Variants in ABCC8 observed in about 807,000 individuals in gnomAD.
ABCC8 encodes the protein ATP-binding cassette sub-family C member 8.
In ABCC8, 137 loss-of-function variants were observed where a neutral mutation model predicts 188.0. The observed-to-expected ratio is 0.73, with a 90% confidence interval of 0.63 to 0.84. ABCC8 has a LOEUF of 0.84. Ranked by LOEUF, ABCC8 falls within the 40% of genes least tolerant of loss-of-function variation. The pLI, the probability that ABCC8 is intolerant of heterozygous loss-of-function variation, is 0.00. For synonymous variants in ABCC8, 797 were observed against 846.5 expected (o/e 0.94, Z 1.01); for missense variants, 1,750 against 2,072.7 (o/e 0.84, Z 3.02).
chr11:17,466,102 T>C (rs1401625052), intron 3 of ABCC8, among the ~76,000 whole-genome samples: 2 of 151,898 alleles, frequency 1.3e-5, no homozygotes, highest in Non-Finnish European at 2.9e-5. Context: ...AATAAGCAAG[T>C]CATAAAAAGA....
At position 17,457,685 on chromosome 11, in the gene ABCC8, G is replaced by A. The variant is rs539477245; in HGVS notation, c.1011+2803C>T. ...CAGCTTTCCCTGGGGAGTGGCAGCGGGGTGACAGGAGCATCAAAGATCTGG... is the reference window on the plus strand; with the variant it reads ...CAGCTTTCCCTGGGGAGTGGCAGCGAGGTGACAGGAGCATCAAAGATCTGG... On this transcript the variant is annotated intron_variant, in intron 6 of 38. Coordinates refer to ENST00000389817, the MANE Select transcript of ABCC8 (RefSeq NM_000352.6). 6.2e-4 allele frequency among the ~76,000 whole-genome samples: 95 copies of A among 152,296 alleles called. 1 individual carries two copies. Among genetic ancestry groups the A allele is most frequent in the South Asian group, 3.7e-3 (18 of 4,812 alleles).
chr11:17,402,802 C>T (rs201911592), intron 28 of ABCC8, 49 bp from the exon 29 acceptor site: 22 of 1,605,052 alleles, frequency 1.4e-5, no homozygotes, highest in East Asian at 8.9e-5. Flanking sequence ...GCTCAGGGCT[C>T]GGCCTGGGCC....
chr11:17,460,786 A>T, intron 5 of ABCC8, 110 bp from the exon 6 acceptor site: 1 of 1,548,112 alleles, frequency 6.5e-7, no homozygotes, highest in Non-Finnish European at 8.7e-7. Flanking sequence ...CCCAGTGGTC[A>T]CATCCTCTGC....
intron 7 of ABCC8, among the ~76,000 whole-genome samples, 171 bp downstream of exon 7, chr11:17,452,948 A>C (rs1956866474): frequency 2.6e-5 from 4 of 152,214 alleles, no homozygotes; most frequent in Admixed American, 2.0e-4. Flanking sequence ...ATTTTCCACT[A>C]TCCCACACTG....
At chr11:17,457,386 C>T (rs1957034558) in intron 6 of ABCC8, among the ~76,000 whole-genome samples, 1 of 152,180 alleles carries the variant, frequency 6.6e-6, no homozygotes, top group Non-Finnish European at 1.5e-5. Context: ...ATACACCCTC[C>T]CAAACCTACA....
At chr11:17,441,993 T>C (rs187134424) in intron 10 of ABCC8, among the ~76,000 whole-genome samples, 1 of 152,172 alleles carries the variant, frequency 6.6e-6, no homozygotes, top group East Asian at 1.9e-4. Context: ...GGCAGGAGAA[T>C]CACTTGAACC....
In ABCC8 at chr11:17,460,533, C is replaced by T. The variant is rs777934386; in HGVS notation, c.966G>A (p.Gly322=). The change falls in exon 6 of 39, where the codon GGG becomes GGA. Residue 322 remains glycine (G), a synonymous_variant. Coordinates refer to ENST00000389817, the MANE Select transcript of ABCC8 (RefSeq NM_000352.6). ...LGFAGPLCIF[G]IVDHLGKEND... ...TCTCCTTCCCAAGGTGGTCCACGAT[C>T]CCAAAGATGCACAGTGGCCCGGCGA... is the stretch of plus-strand genomic sequence containing the variant. 2 of 1,614,158 alleles carry T rather than the reference C, an allele frequency of 1.2e-6. No individual in the cohort carries two copies. Among genetic ancestry groups the T allele is most frequent in the South Asian group, 1.1e-5 (1 of 91,088 alleles).
At chr11:17,464,132 T>A (rs1006415499) in intron 3 of ABCC8, among the ~76,000 whole-genome samples, 2 of 152,224 alleles carry the variant, frequency 1.3e-5, no homozygotes, top group Admixed American at 1.3e-4. Flanking sequence ...CTATAATGAC[T>A]TACTTGTGGA....
At chr11:17,453,611 T>C (rs1453816256) in intron 6 of ABCC8, among the ~76,000 whole-genome samples, 1 of 152,098 alleles carries the variant, frequency 6.6e-6, no homozygotes, top group East Asian at 1.9e-4. Context: ...GGGGCAAGAA[T>C]AAATAGAGCA....
chr11:17,467,908 C>T (rs192510067), intron 3 of ABCC8, among the ~76,000 whole-genome samples: 2 of 152,330 alleles, frequency 1.3e-5, no homozygotes, highest in Admixed American at 6.5e-5. Context: ...CGGGTGATAA[C>T]TTGTGCTTTA....
intron 21 of ABCC8, 66 bp downstream of exon 21, chr11:17,412,600 G>T: frequency 2.6e-6 from 4 of 1,557,906 alleles, no homozygotes; most frequent in Non-Finnish European, 8.7e-7. Flanking sequence ...TTGCGGGGAG[G>T]TGGAGGTGGG....
intron 16 of ABCC8, among the ~76,000 whole-genome samples, chr11:17,420,831 G>A (rs916688969): frequency 3.3e-5 from 5 of 152,206 alleles, no homozygotes; most frequent in Admixed American, 2.0e-4. Flanking sequence ...AATTTCACCC[G>A]AGTGTATCTG....
chr11:17,416,374 C>T (rs72866839), intron 17 of ABCC8, among the ~76,000 whole-genome samples: 1,567 of 152,154 alleles, frequency 0.01, 13 homozygotes, highest in South Asian at 0.032. Context: ...TGAGGGACAC[C>T]CATCTCCTTT....
intron 28 of ABCC8, among the ~76,000 whole-genome samples, chr11:17,403,165 C>T (rs1954334499): frequency 6.6e-6 from 1 of 152,136 alleles, no homozygotes; most frequent in Non-Finnish European, 1.5e-5. Context: ...AGCGTTCAAC[C>T]CCGTCTTCCG....
At chr11:17,395,411 G>T in intron 35 of ABCC8, 136 bp from the exon 36 acceptor site, 1 of 1,514,462 alleles carries the variant, frequency 6.6e-7, no homozygotes, top group Non-Finnish European at 8.8e-7. Context: ...GGTGGCAGTG[G>T]GTGGGGGACA....
At chr11:17,402,563 G>T in intron 29 of ABCC8, 98 bp downstream of exon 29, 1 of 1,609,546 alleles carries the variant, frequency 6.2e-7, no homozygotes, top group Non-Finnish European at 8.5e-7. Flanking sequence ...CGTGTCCTTG[G>T]CCTTCCCAAG....
intron 8 of ABCC8, among the ~76,000 whole-genome samples, chr11:17,447,954 A>T (rs79398544): frequency 0.031 from 4,724 of 152,304 alleles, 104 homozygotes; most frequent in South Asian, 0.077. Context: ...TATACATAAC[A>T]TATATTCCAG....
At chr11:17,401,271 G>A (rs1457562830) in intron 29 of ABCC8, among the ~76,000 whole-genome samples, 1 of 152,238 alleles carries the variant, frequency 6.6e-6, no homozygotes, top group Non-Finnish European at 1.5e-5. Flanking sequence ...AGAGGAGGCT[G>A]GGAGGAGACT....
At chr11:17,430,662 C>A (rs957989560) in intron 12 of ABCC8, 152 bp downstream of exon 12, 38 of 922,666 alleles carry the variant, frequency 4.1e-5, no homozygotes, top group Non-Finnish European at 6.2e-5. Context: ...AGGCCAATGT[C>A]CCTCTGACCA....
Sources: allele counts gnomAD v4.1 joint callset (sites outside exome capture counted in the v4.1 genomes callset), GRCh38; gene constraint gnomAD v4.1.1; transcripts MANE v1.5; gene names NCBI Gene and HGNC (gene_info 2026-07-23, HGNC 2026-07-21).